Variants in PDCD1LG2 observed in about 807,000 individuals in gnomAD.
PDCD1LG2 encodes the protein programmed cell death 1 ligand 2, also known as B7 dendritic cell molecule.
A neutral mutation model predicts 28.2 loss-of-function variants in PDCD1LG2; 32 were observed. The ratio of observed to expected loss-of-function variants is 1.13; its 90% CI spans 0.86 to 1.52. The LOEUF (loss-of-function observed/expected upper bound fraction) is 1.52, where lower values mean the gene tolerates loss of function less well. PDCD1LG2 is among the 40% of genes most tolerant of loss of function. PDCD1LG2 has a pLI of 0.00. For missense variants in PDCD1LG2, 385 were observed against 323.8 expected (o/e 1.19, Z -1.45); for synonymous variants, 116 against 120.2 (o/e 0.97, Z 0.23).
chr9:5,522,068 AAGTAT>A (rs1820285597), intron 1 of PDCD1LG2, among the ~76,000 whole-genome samples: 1 of 152,214 alleles, frequency 6.6e-6, no homozygotes, highest in Admixed American at 6.5e-5. Context: ...GTCAACTAGC[AAGTAT>A]TTATTGAGAA....
At chr9:5,549,663 G>A (rs1816287765) in intron 4 of PDCD1LG2, 59 bp downstream of exon 4, 17 of 1,585,218 alleles carry the variant, frequency 1.1e-5, no homozygotes, top group Non-Finnish European at 2.6e-6. Flanking sequence ...GAAACAGATG[G>A]CATACTCGAG....
At chr9:5,533,665 C>T (rs1369657900) in intron 2 of PDCD1LG2, among the ~76,000 whole-genome samples, 2 of 151,950 alleles carry the variant, frequency 1.3e-5, no homozygotes, top group African/African-American at 2.4e-5. Context: ...TTGATTCTGC[C>T]TCATCTAAAA....
Position 5,557,612 on chromosome 9 carries a change from G to A in PDCD1LG2, c.632-6G>A, listed in dbSNP as rs186854996. The A allele has an allele frequency of 1.1e-3, 1,755 of 1,613,770 alleles. 3 individuals carry two copies. Among genetic ancestry groups the A allele is most frequent in the Non-Finnish European group, 1.4e-3 (1,640 of 1,179,810 alleles). On this transcript the variant is annotated splice_region_variant and splice_polypyrimidine_tract_variant and intron_variant, in intron 4 of 6. Transcript: ENST00000397747. Reference sequence around the variant, plus strand: ...AACAGGATTCTGGTGCTTTTCCTTTGCCCAGGTCAGATGGAACCCAGGACC... The same window carrying A: ...AACAGGATTCTGGTGCTTTTCCTTTACCCAGGTCAGATGGAACCCAGGACC...
intron 3 of PDCD1LG2, among the ~76,000 whole-genome samples, chr9:5,548,215 CT>C (rs1481640934): frequency 1.3e-5 from 2 of 152,142 alleles, no homozygotes; most frequent in Non-Finnish European, 2.9e-5. Context: ...ATGGGATCTA[CT>C]TTTTTAGATT....
chr9:5,529,861 A>G (rs1431716260), intron 2 of PDCD1LG2, among the ~76,000 whole-genome samples: 6 of 152,204 alleles, frequency 3.9e-5, no homozygotes, highest in African/African-American at 1.4e-4. Context: ...ATGCGAAGAC[A>G]TGTCTCCATG....
intron 6 of PDCD1LG2, among the ~76,000 whole-genome samples, chr9:5,567,994 A>T (rs1816697857): frequency 6.6e-6 from 1 of 152,216 alleles, no homozygotes; most frequent in African/African-American, 2.4e-5. Flanking sequence ...CCACCTGAGA[A>T]CTGACCACAG....
intron 3 of PDCD1LG2, among the ~76,000 whole-genome samples, chr9:5,541,651 C>T (rs1820688055): frequency 6.6e-6 from 1 of 152,088 alleles, no homozygotes; most frequent in South Asian, 2.1e-4. Flanking sequence ...CTACAAATCA[C>T]TACTGAAAGA....
chr9:5,568,052 G>C (rs931404164), intron 6 of PDCD1LG2, among the ~76,000 whole-genome samples: 4 of 152,124 alleles, frequency 2.6e-5, no homozygotes, highest in Admixed American at 2.6e-4. Flanking sequence ...TCCCATTTCA[G>C]TGGTTTCCAA....
chr9:5,527,299 C>A (rs1360580094), intron 2 of PDCD1LG2, among the ~76,000 whole-genome samples: 8 of 152,164 alleles, frequency 5.3e-5, no homozygotes, highest in African/African-American at 1.9e-4. Flanking sequence ...GCCAAACAAA[C>A]AAACAAACAA....
chr9:5,540,127 T>C (rs530641610), intron 3 of PDCD1LG2, among the ~76,000 whole-genome samples: 56 of 152,154 alleles, frequency 3.7e-4, no homozygotes, highest in Non-Finnish European at 6.5e-4. Context: ...AGTTAAATAA[T>C]GAGTGATCAT....
At chr9:5,529,177 T>A (rs1407840320) in intron 2 of PDCD1LG2, among the ~76,000 whole-genome samples, 4 of 152,252 alleles carry the variant, frequency 2.6e-5, no homozygotes, top group Non-Finnish European at 5.9e-5. Flanking sequence ...TTTATCAATG[T>A]TTTCTTTTAT....
chr9:5,534,193 T>A (rs1013090082), intron 2 of PDCD1LG2, among the ~76,000 whole-genome samples: 13 of 152,124 alleles, frequency 8.5e-5, no homozygotes, highest in Non-Finnish European at 1.8e-4. Context: ...ATTGTAAGAA[T>A]TCAACAAGTA....
At chr9:5,530,338 T>C (rs1820458210) in intron 2 of PDCD1LG2, among the ~76,000 whole-genome samples, 1 of 152,196 alleles carries the variant, frequency 6.6e-6, no homozygotes, top group Admixed American at 6.5e-5. Flanking sequence ...GTCAGCTTAA[T>C]TTTGTAGTTG....
chr9:5,543,215 G>A (rs572386846), intron 3 of PDCD1LG2, among the ~76,000 whole-genome samples: 1 of 152,066 alleles, frequency 6.6e-6, no homozygotes. Flanking sequence ...AGGACTTAGG[G>A]GAAAGGATGG....
chr9:5,548,321 A>G (rs1816254070), intron 3 of PDCD1LG2, among the ~76,000 whole-genome samples: 1 of 152,218 alleles, frequency 6.6e-6, no homozygotes, highest in Non-Finnish European at 1.5e-5. Context: ...GTTGTCATGA[A>G]TGACAGATTT....
chr9:5,519,739 C>T (rs920043543), intron 1 of PDCD1LG2, among the ~76,000 whole-genome samples: 2 of 152,216 alleles, frequency 1.3e-5, no homozygotes, highest in Non-Finnish European at 2.9e-5. Flanking sequence ...CAAACCAAAT[C>T]TACAACAAAC....
At chr9:5,557,294 G>C (rs1159440821) in intron 4 of PDCD1LG2, among the ~76,000 whole-genome samples, 1 of 152,162 alleles carries the variant, frequency 6.6e-6, no homozygotes, top group Non-Finnish European at 1.5e-5. Flanking sequence ...AAAATAACAT[G>C]AGAGAGTGGT....
intron 2 of PDCD1LG2, among the ~76,000 whole-genome samples, chr9:5,530,814 A>T (rs1309228060): frequency 6.6e-6 from 1 of 152,240 alleles, no homozygotes; most frequent in East Asian, 1.9e-4. Flanking sequence ...AATGCAGACC[A>T]GTGTTATAAC....
At chr9:5,513,507 G>A (rs1337845908) in intron 1 of PDCD1LG2, among the ~76,000 whole-genome samples, 1 of 152,156 alleles carries the variant, frequency 6.6e-6, no homozygotes, top group Non-Finnish European at 1.5e-5. Context: ...TTTCTTAGAG[G>A]AAACCCTCTA....
Sources: gnomAD v4.1 joint callset for allele counts (sites outside exome capture counted in the v4.1 genomes callset) on GRCh38, gnomAD v4.1.1 for gene constraint, MANE v1.5 for transcripts, NCBI Gene and HGNC (gene_info 2026-07-23, HGNC 2026-07-21) for gene names.